Variants in DUSP15 observed in about 807,000 individuals in gnomAD.
DUSP15 encodes dual specificity protein phosphatase 15.
Under a neutral mutation model 26.3 loss-of-function variants are expected in DUSP15, and 23 were observed. That is an observed-to-expected ratio of 0.87 (90% confidence interval 0.63 to 1.24). The LOEUF (loss-of-function observed/expected upper bound fraction) is 1.24, where lower values mean the gene tolerates loss of function less well. Among genes scored for constraint, DUSP15 ranks in the 50% most tolerant of loss-of-function variants. DUSP15 has a pLI of 0.00. For synonymous variants in DUSP15, 143 were observed against 135.5 expected (o/e 1.06, Z -0.39); for missense variants, 364 against 320.6 (o/e 1.14, Z -1.03).
chr20:31,853,824 G>A (rs892202977), intron 6 of DUSP15, among the ~76,000 whole-genome samples: 1 of 152,080 alleles, frequency 6.6e-6, no homozygotes, highest in Non-Finnish European at 1.5e-5. Context: ...GGTTGGTCTC[G>A]AACTCTTGGG....
intron 9 of DUSP15, chr20:31,848,784 T>C (rs1047393506): frequency 1.2e-6 from 2 of 1,602,524 alleles, no homozygotes; most frequent in Non-Finnish European, 1.7e-6. Flanking sequence ...GCTTCTTGGC[T>C]GGAGTGGAAG....
chr20:31,867,220 A>AGCTCACTGCCT lies in DUSP15; in HGVS notation c.56-78_56-68dup. On this transcript the variant is annotated intron_variant, in intron 2 of 6. Coordinates refer to ENST00000339738, the MANE Select transcript of DUSP15 (RefSeq NM_080611.5). ...TGTCCTGATGGCCAAGTGCGGAGGG[A>AGCTCACTGCCT]GCTCACTGCCTGCCCAGCTCTCCCT... 4 of 1,414,138 alleles carry AGCTCACTGCCT rather than the reference A, an allele frequency of 2.8e-6. No homozygotes were observed. The Admixed American group carries it at 7.9e-5, about 28-fold the overall frequency. The allele number at this position is 1,414,138 out of a possible 1,614,324, so 87.6% of individuals were successfully genotyped here. A position where few individuals can be genotyped will look rare whatever the true frequency, so the allele number is the denominator to read the frequency against.
At chr20:31,845,896 A>G (rs1235829271), downstream of DUSP15, among the ~76,000 whole-genome samples, 1 of 152,148 alleles carries the variant, frequency 6.6e-6, no homozygotes, top group Non-Finnish European at 1.5e-5. Context: ...ACAAAATGAG[A>G]CAGAGGCAGA....
intron 6 of DUSP15, among the ~76,000 whole-genome samples, chr20:31,854,630 A>G (rs2062531106): frequency 6.6e-6 from 1 of 152,104 alleles, no homozygotes; most frequent in African/African-American, 2.4e-5. Context: ...GGTCAGTAGG[A>G]AGTTGAGAGA....
chr20:31,870,456 G>T lies in DUSP15; in HGVS notation c.-119C>A. On this transcript the variant is annotated 5_prime_UTR_variant, in exon 1 of 7. Transcript: ENST00000339738. The surrounding 1 kb of genome is among the most constrained non-coding windows in gnomAD (Gnocchi z 6.6). Reference sequence around the variant, plus strand: ...CAGCCTGGCGGGGAACGGGGGGCCTGGCGTCCGCGGCCCTGCCCAGCCCTG... The same window carrying T: ...CAGCCTGGCGGGGAACGGGGGGCCTTGCGTCCGCGGCCCTGCCCAGCCCTG... 7.8e-7 allele frequency: 1 copy of T among 1,282,962 alleles called. No homozygotes were observed. Among genetic ancestry groups the T allele is most frequent in the Non-Finnish European group, 9.8e-7 (1 of 1,019,246 alleles). 79.5% of individuals were successfully genotyped at this position (1,282,962 alleles called of 1,614,324 possible). A position where few individuals can be genotyped will look rare whatever the true frequency, so the allele number is the denominator to read the frequency against.
chr20:31,851,841 G>A (rs780194092), intron 6 of DUSP15, among the ~76,000 whole-genome samples: 2 of 152,080 alleles, frequency 1.3e-5, no homozygotes, highest in African/African-American at 2.4e-5. Context: ...TTCAGGGGGC[G>A]CCCAGGCCCT....
chr20:31,860,002 T>C (rs967958991), downstream of DUSP15, among the ~76,000 whole-genome samples: 3 of 152,230 alleles, frequency 2.0e-5, no homozygotes, highest in African/African-American at 7.2e-5. Flanking sequence ...TAATGTTCTG[T>C]CTGCCTGGAA....
chr20:31,848,858 T>A lies in DUSP15; in HGVS notation c.674A>T (p.Glu225Val), dbSNP rs772347584. The A allele has an allele frequency of 3.1e-6, 5 of 1,612,156 alleles. No homozygotes were observed. In the Admixed American group the frequency reaches 8.3e-5, roughly 27 times the overall value. Residue 225 changes from glutamate to valine, a missense_variant, in exon 9 of 10, where the codon GAG (glutamate) becomes GTG (valine). Physicochemically the swap from Glu to Val is moderately radical, Grantham distance 121 (BLOSUM62 -2). Coordinates refer to the DUSP15 transcript ENST00000278979. ...GTGCTGTGTGGGGCCCGGGTCCTCCTCACCGAAGCACAGACAGATCTGGTA... is the reference window on the plus strand; with the variant it reads ...GTGCTGTGTGGGGCCCGGGTCCTCCACACCGAAGCACAGACAGATCTGGTA...
chr20:31,866,923 T>A (rs540055610), intron 3 of DUSP15, 148 bp downstream of exon 3: 1 of 749,916 alleles, frequency 1.3e-6, no homozygotes, highest in East Asian at 2.8e-5. Context: ...CAAATAGGGA[T>A]GATAATGTAA....
chr20:31,868,757 G>C (rs1185783139), intron 2 of DUSP15, among the ~76,000 whole-genome samples: 3 of 152,218 alleles, frequency 2.0e-5, no homozygotes, highest in African/African-American at 4.8e-5. Context: ...TGGGATTAAA[G>C]GCGTGAGCCA....
At chr20:31,868,482 T>C (rs2062823242) in intron 2 of DUSP15, among the ~76,000 whole-genome samples, 8 of 144,232 alleles carry the variant, frequency 5.5e-5, no homozygotes, top group Admixed American at 5.5e-4. Flanking sequence ...TTCTCTTTTT[T>C]TTTTTTTTTT....
At chr20:31,863,293 T>C (rs1020254060) in intron 5 of DUSP15, among the ~76,000 whole-genome samples, 1 of 152,088 alleles carries the variant, frequency 6.6e-6, no homozygotes, top group African/African-American at 2.4e-5. Flanking sequence ...ACAAAGACCA[T>C]GAGGCATAAG....
At chr20:31,848,337 C>A in exon 10 of DUSP15, 1 of 1,492,042 alleles carries the variant, frequency 6.7e-7, no homozygotes, top group South Asian at 1.3e-5. Flanking sequence ...GGGGAGGCCC[C>A]AAGTCTATGG....
upstream of DUSP15, chr20:31,870,592 G>C (rs755209953): frequency 2.8e-6 from 4 of 1,408,820 alleles, no homozygotes; most frequent in African/African-American, 3.0e-5. This position sits in a 1 kb window ranked among gnomAD's most constrained non-coding sequence, Gnocchi z 6.6. Flanking sequence ...GGTCATGTGG[G>C]GCCCCCGCCT....
intron 4 of DUSP15, chr20:31,864,290 G>T (rs924453208): frequency 8.9e-7 from 1 of 1,128,816 alleles, no homozygotes; most frequent in Admixed American, 4.3e-5. Flanking sequence ...AGAAATGGGT[G>T]GGAGGAAACA....
Position 31,861,369 on chromosome 20 carries a change from G to A in DUSP15, c.*34C>T, listed in dbSNP as rs369148629. 58 of 1,500,862 alleles carry A rather than the reference G, an allele frequency of 3.9e-5. No individual in the cohort carries two copies. The highest frequency in any genetic ancestry group is 4.8e-5 in the Non-Finnish European group (54 of 1,133,454). 93.0% of individuals were successfully genotyped at this position (1,500,862 alleles called of 1,614,324 possible). On this transcript the variant is annotated 3_prime_UTR_variant, in exon 7 of 7. Transcript: ENST00000339738. ...CGCAGACAGCCCCCGAAGGGAGCCA[G>A]TCGGAAGTGGGGAGCCACGGCTGGA...
At chr20:31,852,808 T>A (rs2062494874) in intron 6 of DUSP15, among the ~76,000 whole-genome samples, 1 of 152,012 alleles carries the variant, frequency 6.6e-6, no homozygotes. Flanking sequence ...CGAAACTCCG[T>A]CTCAAAAGAA....
chr20:31,868,802 G>A (rs2062835241), intron 2 of DUSP15, among the ~76,000 whole-genome samples: 1 of 152,160 alleles, frequency 6.6e-6, no homozygotes, highest in African/African-American at 2.4e-5. Flanking sequence ...TTTCTACCCA[G>A]CATGTTTTCT....
At chr20:31,856,972 C>T (rs1304414048), downstream of DUSP15, among the ~76,000 whole-genome samples, 3 of 152,150 alleles carry the variant, frequency 2.0e-5, no homozygotes, top group African/African-American at 7.2e-5. Context: ...ACCAACCCAA[C>T]ACCATCCAGG....
Sources: allele counts gnomAD v4.1 joint callset (sites outside exome capture counted in the v4.1 genomes callset), GRCh38; gene constraint gnomAD v4.1.1; non-coding constraint Gnocchi (gnomAD v3.1); transcripts MANE v1.5; gene names NCBI Gene and HGNC (gene_info 2026-07-23, HGNC 2026-07-21).